SUMF1: variants seen among roughly 807,000 people sequenced by gnomAD.
The protein encoded by SUMF1 is sulfatase modifying factor 1.
Under a neutral mutation model 47.6 loss-of-function variants are expected in SUMF1, and 48 were observed. The ratio of observed to expected loss-of-function variants is 1.01; its 90% CI spans 0.80 to 1.28. SUMF1 has a LOEUF of 1.28. Among genes scored for constraint, SUMF1 ranks in the 50% most tolerant of loss-of-function variants. The pLI is 0.00. For synonymous variants in SUMF1, 230 were observed against 192.1 expected, an observed-to-expected ratio of 1.20 and a Z score of -1.63; for missense variants, 571 against 485.4, an observed-to-expected ratio of 1.18 and a Z score of -1.66.
intron 6 of SUMF1, among the ~76,000 whole-genome samples, chr3:4,413,464 G>A (rs1162818537): frequency 1.3e-5 from 2 of 151,920 alleles, no homozygotes; most frequent in African/African-American, 2.4e-5. Context: ...AGTAGAATGT[G>A]GAGGTCACCA....
chr3:4,228,449 A>C (rs572373028), intron 8 of SUMF1, among the ~76,000 whole-genome samples: 1 of 152,184 alleles, frequency 6.6e-6, no homozygotes, highest in South Asian at 2.1e-4. Flanking sequence ...TCAGGGTAGC[A>C]CTGCTGTTCC....
At chr3:4,363,027 C>G (rs1216246681) in intron 8 of SUMF1, among the ~76,000 whole-genome samples, 2 of 152,116 alleles carry the variant, frequency 1.3e-5, no homozygotes, top group African/African-American at 4.8e-5. Flanking sequence ...CTGGAAGATT[C>G]CGAATGCACC....
At chr3:4,043,779 C>G (rs1424148992) in intron 9 of SUMF1, among the ~76,000 whole-genome samples, 1 of 152,180 alleles carries the variant, frequency 6.6e-6, no homozygotes, top group Non-Finnish European at 1.5e-5. Flanking sequence ...GAAACATACT[C>G]TATTCAAACT....
chr3:4,091,882 C>A (rs769714223), intron 8 of SUMF1, among the ~76,000 whole-genome samples: 55 of 135,162 alleles, frequency 4.1e-4, no homozygotes, highest in Non-Finnish European at 8.6e-4. Context: ...TCTGAGTGTG[C>A]AATTTAAAAA....
intron 8 of SUMF1, among the ~76,000 whole-genome samples, chr3:4,253,083 C>G (rs962865464): frequency 5.3e-5 from 8 of 152,092 alleles, no homozygotes; most frequent in Non-Finnish European, 1.2e-4. Context: ...GTTATATGTA[C>G]AACATGTAGT....
At chr3:4,221,414 G>GGTGTGTGT (rs113359661) in intron 8 of SUMF1, among the ~76,000 whole-genome samples, 380 of 148,192 alleles carry the variant, frequency 2.6e-3, no homozygotes, top group African/African-American at 8.0e-3. Context: ...GGTTTTTTGG[G>GGTGTGTGT]GTGTGTGTGT....
intron 7 of SUMF1, among the ~76,000 whole-genome samples, chr3:4,384,022 A>C (rs1339926967): frequency 6.6e-6 from 1 of 152,224 alleles, no homozygotes; most frequent in Non-Finnish European, 1.5e-5. Context: ...GCTTTAAACA[A>C]TCTTACGTTT....
chr3:4,054,868 A>G (rs1422028806), intron 9 of SUMF1, among the ~76,000 whole-genome samples: 2 of 152,200 alleles, frequency 1.3e-5, no homozygotes, highest in East Asian at 3.9e-4. Flanking sequence ...CAGATGTGCA[A>G]TATAGGTGTT....
intron 2 of SUMF1, among the ~76,000 whole-genome samples, chr3:4,449,570 T>G (rs974443164): frequency 6.6e-6 from 1 of 152,230 alleles, no homozygotes; most frequent in African/African-American, 2.4e-5. Flanking sequence ...CTGATAAGAA[T>G]GCAGACTGAA....
chr3:4,184,864 G>T (rs1328216179), intron 8 of SUMF1, among the ~76,000 whole-genome samples: 1 of 151,924 alleles, frequency 6.6e-6, no homozygotes, highest in African/African-American at 2.4e-5. Context: ...TGGCCAGGCT[G>T]GTCTGGAACT....
intron 9 of SUMF1, among the ~76,000 whole-genome samples, chr3:4,047,073 CTCCTT>C (rs1695020669): frequency 1.3e-5 from 2 of 152,032 alleles, no homozygotes; most frequent in Non-Finnish European, 2.9e-5. Flanking sequence ...GAACTTGCTA[CTCCTT>C]TTCACTCCCG....
chr3:4,118,074 T>G (rs535445770), intron 8 of SUMF1, among the ~76,000 whole-genome samples: 1 of 152,110 alleles, frequency 6.6e-6, no homozygotes, highest in Non-Finnish European at 1.5e-5. Context: ...TCAGGGCGGA[T>G]CTGGCAGATA....
chr3:4,052,829 C>G (rs1361791946), intron 9 of SUMF1, among the ~76,000 whole-genome samples: 1 of 152,122 alleles, frequency 6.6e-6, no homozygotes, highest in Non-Finnish European at 1.5e-5. Flanking sequence ...CTAGATTAGG[C>G]TTTGGCTTAA....
At chr3:4,072,309 C>A (rs1695546693) in intron 8 of SUMF1, among the ~76,000 whole-genome samples, 1 of 152,154 alleles carries the variant, frequency 6.6e-6, no homozygotes, top group South Asian at 2.1e-4. Context: ...GACATCCACA[C>A]CAAAACCCCA....
chr3:4,360,126 CA>C (rs1295560932), downstream of SUMF1, among the ~76,000 whole-genome samples: 5 of 150,800 alleles, frequency 3.3e-5, no homozygotes, highest in Non-Finnish European at 7.4e-5. Context: ...CAAGTAAAAA[CA>C]AACTGTACTG....
intron 8 of SUMF1, among the ~76,000 whole-genome samples, chr3:4,288,090 T>C (rs1295196590): frequency 1.3e-5 from 2 of 152,192 alleles, no homozygotes; most frequent in East Asian, 3.9e-4. Flanking sequence ...CTATCTGCAA[T>C]CTAGGTCTAT....
At chr3:4,200,988 CTTT>C in intron 8 of SUMF1, among the ~76,000 whole-genome samples, 1 of 151,922 alleles carries the variant, frequency 6.6e-6, no homozygotes, top group African/African-American at 2.4e-5. Context: ...CAACTTTGTT[CTTT>C]GTTTGTAATT....
intron 8 of SUMF1, among the ~76,000 whole-genome samples, chr3:4,307,694 G>C (rs368000423): frequency 6.6e-6 from 1 of 152,036 alleles, no homozygotes; most frequent in Non-Finnish European, 1.5e-5. Flanking sequence ...TCTGTGCTTT[G>C]ATACATACGA....
chr3:4,438,742 A>G (rs1453238783), intron 3 of SUMF1, among the ~76,000 whole-genome samples: 19 of 152,186 alleles, frequency 1.2e-4, no homozygotes, highest in Non-Finnish European at 2.5e-4. Context: ...AATTACTAAG[A>G]TCAAGCAGAA....
Sources: gnomAD v4.1 joint callset for allele counts (sites outside exome capture counted in the v4.1 genomes callset) on GRCh38, gnomAD v4.1.1 for gene constraint, MANE v1.5 for transcripts, NCBI Gene and HGNC (gene_info 2026-07-23, HGNC 2026-07-21) for gene names.